Variants in DDX54 observed in about 807,000 individuals in gnomAD.
DDX54 encodes ATP-dependent RNA helicase DDX54.
Under a neutral mutation model 105.5 loss-of-function variants are expected in DDX54, and 67 were observed. The ratio of observed to expected loss-of-function variants is 0.64; its 90% confidence interval spans 0.52 to 0.78. The LOEUF (loss-of-function observed/expected upper bound fraction) is 0.78, where lower values mean the gene tolerates loss of function less well. Ranked by LOEUF, DDX54 falls within the 30% of genes least tolerant of loss-of-function variation. DDX54 has a pLI of 0.00. For missense variants in DDX54, 1,206 were observed against 1,230.5 expected (o/e 0.98, Z 0.30); for synonymous variants, 514 against 509.9 (o/e 1.01, Z -0.11).
chr12:113,175,877 T>C (rs1952396468), intron 7 of DDX54, among the ~76,000 whole-genome samples: 1 of 151,916 alleles, frequency 6.6e-6, no homozygotes. Context: ...CCCTTGAGCC[T>C]GGGAGGTCGA....
chr12:113,184,224 G>A (rs1262495064), intron 1 of DDX54, among the ~76,000 whole-genome samples: 1 of 152,152 alleles, frequency 6.6e-6, no homozygotes, highest in Admixed American at 6.5e-5. Flanking sequence ...GGGATTACAG[G>A]CGTGAGCCAC....
intron 11 of DDX54, among the ~76,000 whole-genome samples, chr12:113,171,276 T>C (rs1326034084): frequency 6.6e-6 from 1 of 152,170 alleles, no homozygotes; most frequent in Non-Finnish European, 1.5e-5. Context: ...GGAGATTTTG[T>C]CTGACGGATA....
Position 113,165,896 on chromosome 12 carries a change from C to A in DDX54, c.1551G>T (p.Gln517His), listed in dbSNP as rs1186796574. The change falls in exon 13 of 20, where the codon CAG becomes CAT. Residue 517 changes from glutamine to histidine, a missense_variant. Physicochemically the swap from Gln to His is conservative, Grantham distance 24. This residue lies in a region of DDX54 where 961 missense variants were observed against 1,019.1 expected (regional missense o/e 0.94). Transcript: ENST00000306014. ...GLARVADNAQ[Q>H]QYVRSRPAPS... Reference sequence around the variant, plus strand: ...GCGCCGGGCGTGAGCGCACATACTGCTGCTGGGCGTTATCAGCAACGCGGG... The same window carrying A: ...GCGCCGGGCGTGAGCGCACATACTGATGCTGGGCGTTATCAGCAACGCGGG... The A allele has an allele frequency of 1.9e-6, 3 of 1,613,806 alleles. No individual in the cohort carries two copies. The Admixed American group carries it at 5.0e-5, about 27-fold the overall frequency.
intron 1 of DDX54, among the ~76,000 whole-genome samples, chr12:113,184,250 T>C (rs1380094580): frequency 6.6e-6 from 1 of 152,042 alleles, no homozygotes; most frequent in Non-Finnish European, 1.5e-5. Flanking sequence ...CCATCCTAAT[T>C]TTTTAATTTT....
At position 113,157,681 on chromosome 12, in the gene DDX54, C is replaced by T; in HGVS notation, c.*1196G>A. ...GAGCCTGCAGCCCCTGCCTCCTAGC[C>T]CTGACACAGGTGAGCAGCGGGAGAG... On this transcript the variant is annotated 3_prime_UTR_variant, in exon 20 of 20. Coordinates refer to ENST00000306014, the MANE Select transcript of DDX54 (RefSeq NM_024072.4). The T allele has an allele frequency of 6.4e-7, 1 of 1,551,338 alleles. No individual in the cohort carries two copies. Among genetic ancestry groups the T allele is most frequent in the South Asian group, 1.2e-5 (1 of 84,058 alleles).
intron 10 of DDX54, among the ~76,000 whole-genome samples, chr12:113,173,138 G>A (rs567019535): frequency 5.3e-5 from 8 of 152,176 alleles, no homozygotes; most frequent in African/African-American, 1.2e-4. Flanking sequence ...CCAGAAACTC[G>A]AGACTAGCCT....
chr12:113,159,252 G>T, intron 19 of DDX54, 143 bp from the exon 20 acceptor site: 1 of 946,370 alleles, frequency 1.1e-6, no homozygotes, highest in Non-Finnish European at 1.5e-6. Flanking sequence ...ACAGTAGGTG[G>T]CTAATAAAGT....
rs1350453810 is a variant in DDX54 at position 113,169,761 on chromosome 12, T to G, written c.1414+9A>C. On this transcript the variant is annotated intron_variant, in intron 12 of 19. Coordinates refer to ENST00000306014, the MANE Select transcript of DDX54 (RefSeq NM_024072.4). The stretch of plus-strand genomic sequence containing the variant: ...CGGGGACCCCTATCCCCACCCAGCC[T>G]CCACTCACCTGAGGGCTCCTTGAGG... The G allele has an allele frequency of 6.2e-7, 1 of 1,613,154 alleles. No homozygotes were observed. The highest frequency in any genetic ancestry group is 2.2e-5 in the East Asian group (1 of 44,862).
chr12:113,185,439 T>A lies in DDX54; in HGVS notation c.13A>T (p.Lys5Ter). 3 of 1,508,300 alleles carry A rather than the reference T, an allele frequency of 2.0e-6. No homozygotes were observed. The highest frequency in any genetic ancestry group is 1.2e-5 in the South Asian group (1 of 80,598). 93.4% of individuals were successfully genotyped at this position (1,508,300 alleles called of 1,614,324 possible). A position where few individuals can be genotyped will look rare whatever the true frequency, so the allele number is the denominator to read the frequency against. Residue 5 changes from lysine to a stop codon, truncating the protein, a stop_gained, in exon 1 of 20, where the codon AAG (lysine) becomes TAG (stop). Coordinates refer to ENST00000306014, the MANE Select transcript of DDX54 (RefSeq NM_024072.4). LOFTEE classifies it high-confidence loss of function. ...GACCGAGGTCCAGCCGCCGGGCCCT[T>A]GTCGGCCGCCATTCGGGCCGCGCGC... is the stretch of plus-strand genomic sequence containing the variant. MAAD[K>*]GPAAGPRSRA...
chr12:113,159,589 G>A (rs909449196), intron 19 of DDX54, among the ~76,000 whole-genome samples: 1 of 152,126 alleles, frequency 6.6e-6, no homozygotes, highest in Non-Finnish European at 1.5e-5. Flanking sequence ...CATAGTAACC[G>A]ATACAGACCT....
Position 113,179,925 on chromosome 12 carries a change from C to G in DDX54, c.375+10G>C, listed in dbSNP as rs1203355075. Reference sequence around the variant, plus strand: ...CCTCGCCCTCACCCGTCGACCGCCCCACCCCTCACCTTCCTCTGGATGGGT... The same window carrying G: ...CCTCGCCCTCACCCGTCGACCGCCCGACCCCTCACCTTCCTCTGGATGGGT... On this transcript the variant is annotated intron_variant, in intron 3 of 19. Transcript: ENST00000306014. 1 of 1,614,136 alleles carries G rather than the reference C, an allele frequency of 6.2e-7. No homozygotes were observed.
chr12:113,172,691 C>G lies in DDX54; in HGVS notation c.1069-128G>C. ...GACCACGGGTTCTGGAGTCTGGCAC[C>G]CTTGGTCTGAATCCCAGCTTGCTGG... On this transcript the variant is annotated intron_variant, in intron 10 of 19. Transcript: ENST00000306014. 6 of 1,173,134 alleles carry G rather than the reference C, an allele frequency of 5.1e-6. 1 individual carries two copies. The South Asian group carries it at 8.8e-5, about 17-fold the overall frequency. The allele number at this position is 1,173,134 out of a possible 1,614,324, so 72.7% of individuals were successfully genotyped here.
intron 14 of DDX54, among the ~76,000 whole-genome samples, chr12:113,165,360 G>C (rs1952258271): frequency 6.6e-6 from 1 of 152,242 alleles, no homozygotes; most frequent in African/African-American, 2.4e-5. Context: ...TGAGCCATCT[G>C]TAAGTGCTAG....
chr12:113,164,245 C>A lies in DDX54; in HGVS notation c.1760G>T (p.Ser587Ile). 1 of 1,596,962 alleles carries A rather than the reference C, an allele frequency of 6.3e-7. No individual in the cohort carries two copies. The highest frequency in any genetic ancestry group is 8.5e-7 in the Non-Finnish European group (1 of 1,172,874). Residue 587 changes from serine (S) to isoleucine (I), a missense_variant, in exon 15 of 20, where the codon AGC (serine) becomes ATC (isoleucine). Around this residue, in one of 3 missense-constraint regions of DDX54, gnomAD observed 961 missense variants for 1,019.1 expected, o/e 0.94. Coordinates refer to ENST00000306014, the MANE Select transcript of DDX54 (RefSeq NM_024072.4). ...CTGCCGCTTGGCGCGCATCACCTGGCTGCACAGGTCTCGGCTGGAGGCGTT... is the reference window on the plus strand; with the variant it reads ...CTGCCGCTTGGCGCGCATCACCTGGATGCACAGGTCTCGGCTGGAGGCGTT... ...EINASSRDLCSQVMRAKRQKD... is the reference protein window; with the variant it reads ...EINASSRDLCIQVMRAKRQKD...
In DDX54 at chr12:113,157,322, T is replaced by G; in HGVS notation, c.*1555A>C. On this transcript the variant is annotated 3_prime_UTR_variant, in exon 20 of 20. Transcript: ENST00000306014. ...GTTACAAGAAAATAAAGCTGATTGA[T>G]GTAAATGAAAATACTAATTGGATAG... 2.1e-6 allele frequency: 1 copy of G among 474,192 alleles called. No individual in the cohort carries two copies. The highest frequency in any genetic ancestry group is 1.9e-5 in the African/African-American group (1 of 52,486). 29.4% of individuals were successfully genotyped at this position (474,192 alleles called of 1,614,324 possible).
In DDX54 at chr12:113,165,811, G is replaced by T; in HGVS notation, c.1636C>A (p.Pro546Thr). 1.2e-6 allele frequency: 2 copies of T among 1,603,808 alleles called. No homozygotes were observed. Among genetic ancestry groups the T allele is most frequent in the Non-Finnish European group, 1.7e-6 (2 of 1,172,900 alleles). The change falls in exon 13 of 20, where the codon CCC (proline) becomes ACC (threonine). Residue 546 changes from proline (P) to threonine (T), a missense_variant. Pro to Thr is a conservative substitution (Grantham distance 38, BLOSUM62 -1). This residue lies in a region of DDX54 where 961 missense variants were observed against 1,019.1 expected (regional missense o/e 0.94). Transcript: ENST00000306014. ...EMDLVGLGLH[P>T]LFSSRFEEEE... ...TTGTAGAAGGACTCACTGAAGAGGG[G>T]GTGCAGGCCCAGCCCCACAAGGTCC... is the stretch of plus-strand genomic sequence containing the variant.
Position 113,164,081 on chromosome 12 carries a change from C to T in DDX54, c.1924G>A (p.Gly642Arg). 2 of 1,549,428 alleles carry T rather than the reference C, an allele frequency of 1.3e-6. No homozygotes were observed. Among genetic ancestry groups the T allele is most frequent in the Non-Finnish European group, 1.7e-6 (2 of 1,145,860 alleles). The part of the protein sequence containing the change: ...QPEKEEEEEA[G>R]ESVEDIFSEV... ...GGAACCTGTACCTCCACACTCTCTCCCGCCTCCTCCTCCTCCTCCTTCTCA... is the reference window on the plus strand; with the variant it reads ...GGAACCTGTACCTCCACACTCTCTCTCGCCTCCTCCTCCTCCTCCTTCTCA... The change falls in exon 15 of 20, where the codon GGA becomes AGA. Residue 642 changes from glycine to arginine, a missense_variant. This residue lies in a region of DDX54 where 961 missense variants were observed against 1,019.1 expected (regional missense o/e 0.94). Transcript: ENST00000306014.
intron 1 of DDX54, among the ~76,000 whole-genome samples, chr12:113,181,634 C>T (rs751780211): frequency 6.6e-6 from 1 of 151,554 alleles, no homozygotes; most frequent in South Asian, 2.1e-4. Flanking sequence ...AAGAGCCAAT[C>T]GAAATGCCTA....
intron 1 of DDX54, chr12:113,183,624 A>T (rs1952490687): frequency 6.6e-6 from 1 of 152,302 alleles, no homozygotes; most frequent in African/African-American, 2.4e-5. Flanking sequence ...GCTCACACCC[A>T]TCCCTTCATG....
Sources: allele counts gnomAD v4.1 joint callset (sites outside exome capture counted in the v4.1 genomes callset), GRCh38; gene constraint gnomAD v4.1.1; regional missense constraint gnomAD v4.1.1; transcripts MANE v1.5; gene names NCBI Gene and HGNC (gene_info 2026-07-23, HGNC 2026-07-21).